The following DOCK4 variants were observed in gnomAD, a reference collection of about 807,000 sequenced individuals.
The protein encoded by DOCK4 is dedicator of cytokinesis 4, also known as dedicator of cytokinesis protein 4.
A neutral mutation model predicts 268.1 loss-of-function variants in DOCK4; 97 were observed. The ratio of observed to expected loss-of-function variants is 0.36; its 90% CI spans 0.31 to 0.43. The LOEUF is 0.43. DOCK4 is among the 20% of genes least tolerant of loss of function. The pLI, the probability that DOCK4 is intolerant of heterozygous loss-of-function variation, is 1.00. For synonymous variants in DOCK4, 954 were observed against 887.2 expected, an observed-to-expected ratio of 1.08 and a Z score of -1.34; for missense variants, 2,145 against 2,455.7, an observed-to-expected ratio of 0.87 and a Z score of 2.67.
intron 1 of DOCK4, among the ~76,000 whole-genome samples, chr7:112,163,860 A>G (rs555559917): frequency 1.3e-5 from 2 of 152,296 alleles, no homozygotes; most frequent in South Asian, 4.1e-4. Flanking sequence ...GCAAGGGGCT[A>G]AGCAAGCACA....
At chr7:111,914,131 C>T (rs1792384314) in intron 13 of DOCK4, among the ~76,000 whole-genome samples, 1 of 152,140 alleles carries the variant, frequency 6.6e-6, no homozygotes, top group Non-Finnish European at 1.5e-5. Flanking sequence ...CTCCATGCTG[C>T]ATTCTCCAAC....
chr7:112,091,038 C>T (rs1809576864), intron 1 of DOCK4, among the ~76,000 whole-genome samples: 1 of 151,854 alleles, frequency 6.6e-6, no homozygotes. Context: ...GTGGCACAAA[C>T]ATTAGACTGA....
intron 1 of DOCK4, among the ~76,000 whole-genome samples, chr7:112,123,595 C>T (rs1029587095): frequency 1.3e-5 from 2 of 152,122 alleles, no homozygotes; most frequent in Non-Finnish European, 2.9e-5. Context: ...AACCTCTTAG[C>T]CCCTGCATAA....
chr7:112,121,644 G>A (rs1485715430), intron 1 of DOCK4, among the ~76,000 whole-genome samples: 1 of 152,148 alleles, frequency 6.6e-6, no homozygotes, highest in Non-Finnish European at 1.5e-5. Context: ...GCAACAAATT[G>A]AATGCTTTTA....
chr7:111,909,502 T>G (rs1000616610), intron 13 of DOCK4, among the ~76,000 whole-genome samples: 1 of 152,240 alleles, frequency 6.6e-6, no homozygotes, highest in Non-Finnish European at 1.5e-5. Context: ...CTATTTATAA[T>G]AGCAAAGACT....
intron 51 of DOCK4, among the ~76,000 whole-genome samples, chr7:111,732,843 A>C (rs1795195028): frequency 6.6e-6 from 1 of 152,112 alleles, no homozygotes. Flanking sequence ...TTCTTCCCCT[A>C]ATGCTTGTAC....
At chr7:112,080,791 T>C (rs1160309244) in intron 1 of DOCK4, among the ~76,000 whole-genome samples, 3 of 152,164 alleles carry the variant, frequency 2.0e-5, no homozygotes, top group Non-Finnish European at 4.4e-5. Flanking sequence ...TCTTATGTCA[T>C]TTTCCTCAGG....
chr7:111,798,983 A>G (rs1800086501), intron 30 of DOCK4, among the ~76,000 whole-genome samples: 1 of 152,226 alleles, frequency 6.6e-6, no homozygotes, highest in South Asian at 2.1e-4. Context: ...AGGGGACATC[A>G]GAAAGAAACA....
chr7:111,858,522 G>T (rs555285258), intron 23 of DOCK4, among the ~76,000 whole-genome samples: 1 of 152,138 alleles, frequency 6.6e-6, no homozygotes, highest in African/African-American at 2.4e-5. Flanking sequence ...AGAAGAAAAC[G>T]CTGAGTAATG....
In DOCK4 at chr7:112,066,689, A is replaced by ATGTATGTATGTATGTATGTGTGTG. The variant is rs1563052075; in HGVS notation, c.38-62559_38-62558insCACACACATACATACATACATACA. On this transcript the variant is annotated intron_variant, in intron 1 of 52. Coordinates refer to ENST00000428084, the MANE Select transcript of DOCK4 (RefSeq NM_001363540.2). The stretch of plus-strand genomic sequence containing the variant: ...CATATACATATACATATATACATAT[A>ATGTATGTATGTATGTATGTGTGTG]CATATATATATATATATATATATAT... Among the ~76,000 whole-genome samples the ATGTATGTATGTATGTATGTGTGTG allele has an allele frequency of 2.7e-4, 4 of 14,790 alleles. 1 individual carries two copies. The highest frequency in any genetic ancestry group is 1.3e-3 in the African/African-American group (4 of 3,058). The allele number at this position is 14,790 out of a possible 152,430, so 9.7% of individuals were successfully genotyped here.
At chr7:111,954,728 C>A (rs961419001) in intron 8 of DOCK4, among the ~76,000 whole-genome samples, 2 of 152,182 alleles carry the variant, frequency 1.3e-5, no homozygotes, top group African/African-American at 4.8e-5. Context: ...CCTGCCCCGT[C>A]CTCACATGGG....
chr7:112,032,865 A>G (rs748254595), intron 1 of DOCK4, among the ~76,000 whole-genome samples: 2 of 152,102 alleles, frequency 1.3e-5, no homozygotes, highest in African/African-American at 4.8e-5. Context: ...TTTACTTTCC[A>G]TGAAAAAAAA....
At chr7:112,018,295 T>A (rs772641860) in intron 1 of DOCK4, among the ~76,000 whole-genome samples, 2 of 151,960 alleles carry the variant, frequency 1.3e-5, no homozygotes, top group Non-Finnish European at 2.9e-5. Context: ...ATGACTATTT[T>A]TAAAATGAAA....
intron 9 of DOCK4, 120 bp from the exon 10 acceptor site, chr7:111,944,991 T>C: frequency 6.2e-6 from 5 of 801,524 alleles, no homozygotes; most frequent in South Asian, 3.0e-5. Context: ...AATGGAATGT[T>C]TGTAGCAGAA....
At chr7:111,911,846 G>A (rs1235298414) in intron 13 of DOCK4, among the ~76,000 whole-genome samples, 1 of 151,700 alleles carries the variant, frequency 6.6e-6, no homozygotes, top group Non-Finnish European at 1.5e-5. Context: ...CCATCAATTT[G>A]CTTCCCAGTG....
At chr7:112,019,618 A>C (rs925041667) in intron 1 of DOCK4, among the ~76,000 whole-genome samples, 2 of 152,190 alleles carry the variant, frequency 1.3e-5, no homozygotes, top group Non-Finnish European at 2.9e-5. Flanking sequence ...ATGCTTAAAA[A>C]TTCTGAGTTT....
At chr7:112,053,454 T>G (rs1418654407) in intron 1 of DOCK4, among the ~76,000 whole-genome samples, 1 of 152,200 alleles carries the variant, frequency 6.6e-6, no homozygotes, top group Non-Finnish European at 1.5e-5. Flanking sequence ...TTCCCCACTT[T>G]GATCCCTACT....
At chr7:112,078,138 T>A (rs1297123210) in intron 1 of DOCK4, among the ~76,000 whole-genome samples, 1 of 152,196 alleles carries the variant, frequency 6.6e-6, no homozygotes, top group Non-Finnish European at 1.5e-5. Context: ...AAATTTCTCA[T>A]AAAATTTTAG....
At chr7:112,100,651 CA>C (rs1810598335) in intron 1 of DOCK4, among the ~76,000 whole-genome samples, 1 of 152,196 alleles carries the variant, frequency 6.6e-6, no homozygotes, top group Non-Finnish European at 1.5e-5. Context: ...TATCAAAGTG[CA>C]TCAGACATGC....
Sources: allele counts gnomAD v4.1 joint callset (sites outside exome capture counted in the v4.1 genomes callset), GRCh38; gene constraint gnomAD v4.1.1; transcripts MANE v1.5; gene names NCBI Gene and HGNC (gene_info 2026-07-23, HGNC 2026-07-21).